The following BET1 variants were observed in gnomAD, a reference collection of about 807,000 sequenced individuals.
BET1 encodes Bet1 golgi vesicular membrane trafficking protein.
BET1 carries 9 observed loss-of-function variants against 13.9 expected under a neutral mutation model. That is an observed-to-expected ratio of 0.65 (90% CI 0.39 to 1.13). The LOEUF is 1.13. Ranked by LOEUF, BET1 falls within the 50% of genes most tolerant of loss-of-function variation. The pLI is 0.01. For missense variants in BET1, 127 were observed against 133.6 expected, an observed-to-expected ratio of 0.95 and a Z score of 0.24; for synonymous variants, 39 against 47.3, an observed-to-expected ratio of 0.82 and a Z score of 0.72.
exon 7 of BET1, chr7:93,963,264 C>G (rs1014555520): frequency 1.2e-4 from 19 of 152,018 alleles, no homozygotes; most frequent in Admixed American, 1.1e-3. Context: ...AACTGCATAG[C>G]CCCAAGAACC....
At chr7:93,992,443 T>A, downstream of BET1, 1 of 985,406 alleles carries the variant, frequency 1.0e-6, no homozygotes. Flanking sequence ...TTTTCATTTT[T>A]AAGTCATTTT....
chr7:93,962,885 G>A (rs1795115409), exon 7 of BET1: 1 of 151,684 alleles, frequency 6.6e-6, no homozygotes, highest in African/African-American at 2.4e-5. Flanking sequence ...CAAATAAGAT[G>A]GTAAACATCT....
exon 7 of BET1, chr7:93,963,083 GC>G (rs755992780): frequency 6.6e-6 from 1 of 152,098 alleles, no homozygotes; most frequent in Non-Finnish European, 1.5e-5. Flanking sequence ...TGTCACAGAT[GC>G]TCATTCCCTA....
chr7:93,999,540 T>C (rs1350214504), intron 1 of BET1: 5 of 479,228 alleles, frequency 1.0e-5, no homozygotes, highest in South Asian at 4.0e-5. Flanking sequence ...GGATTGCTTA[T>C]TGATTGTCCA....
exon 5 of BET1, chr7:93,976,008 T>G: frequency 3.1e-6 from 4 of 1,280,752 alleles, no homozygotes; most frequent in Non-Finnish European, 4.1e-6. Context: ...CTCCTTCTTT[T>G]TAAGCTTCTG....
At chr7:94,000,338 C>T (rs1041050462) in intron 1 of BET1, 1 of 151,580 alleles carries the variant, frequency 6.6e-6, no homozygotes, top group Admixed American at 6.6e-5. Flanking sequence ...TGGTCTCGAT[C>T]TCCTGACCTC....
chr7:93,992,476 T>G (rs1358494204), downstream of BET1: 1 of 985,196 alleles, frequency 1.0e-6, no homozygotes, highest in African/African-American at 1.7e-5. Context: ...GCTCTTCCCG[T>G]TTTTCACAAC....
intron 4 of BET1, among the ~76,000 whole-genome samples, chr7:93,981,815 A>G (rs533348321): frequency 6.6e-6 from 1 of 152,320 alleles, no homozygotes; most frequent in Non-Finnish European, 1.5e-5. Context: ...CAGACATTGC[A>G]GTCAGTAGTG....
At position 93,993,439 on chromosome 7, in the gene BET1, T is replaced by C. The variant is rs1795683828; in HGVS notation, c.*791A>G. 1 of 983,204 alleles carries C rather than the reference T, an allele frequency of 1.0e-6. No individual in the cohort carries two copies. The highest frequency in any genetic ancestry group is 1.2e-6 in the Non-Finnish European group (1 of 827,374). 60.9% of individuals were successfully genotyped at this position (983,204 alleles called of 1,614,324 possible). ...TCTTCAAGTTCAATGCCTGAGTTTC[T>C]TGCATACTATTTCCATTTAAAGTTC... On this transcript the variant is annotated 3_prime_UTR_variant, in exon 4 of 4. Coordinates refer to ENST00000222547, the MANE Select transcript of BET1 (RefSeq NM_005868.6).
At chr7:93,976,344 T>TGTG (rs1554345710) in intron 4 of BET1, among the ~76,000 whole-genome samples, 1 of 149,014 alleles carries the variant, frequency 6.7e-6, no homozygotes, top group East Asian at 2.0e-4. Context: ...TATCTACTTA[T>TGTG]TGTGTGTGTG....
chr7:93,999,728 G>A (rs756422037), intron 1 of BET1: 5 of 456,380 alleles, frequency 1.1e-5, no homozygotes, highest in South Asian at 7.8e-5. Context: ...GCTCATAGCG[G>A]CGAGGGTTCT....
chr7:93,979,432 A>G (rs943458255), intron 4 of BET1, among the ~76,000 whole-genome samples: 5 of 152,146 alleles, frequency 3.3e-5, no homozygotes, highest in Non-Finnish European at 7.4e-5. Flanking sequence ...AAATTAGTGA[A>G]CTTTAACATT....
intron 4 of BET1, among the ~76,000 whole-genome samples, chr7:93,981,753 G>A (rs914247407): frequency 2.6e-5 from 4 of 152,134 alleles, no homozygotes; most frequent in Admixed American, 6.5e-5. Context: ...TAGCATTCCC[G>A]GGCAGCCACT....
At chr7:93,971,069 C>T (rs1795252345) in intron 6 of BET1, among the ~76,000 whole-genome samples, 1 of 151,662 alleles carries the variant, frequency 6.6e-6, no homozygotes, top group Admixed American at 6.6e-5. Context: ...AAGCAAATTG[C>T]CTGACAGAAA....
intron 3 of BET1, among the ~76,000 whole-genome samples, chr7:93,995,125 C>T (rs975420509): frequency 2.6e-5 from 4 of 152,188 alleles, no homozygotes; most frequent in Non-Finnish European, 5.9e-5. Context: ...GGAGTATAGG[C>T]GTGAGCTACC....
At chr7:93,991,012 A>G (rs1230826568), downstream of BET1, among the ~76,000 whole-genome samples, 2 of 152,202 alleles carry the variant, frequency 1.3e-5, no homozygotes, top group Non-Finnish European at 2.9e-5. Flanking sequence ...TTACTTGGCT[A>G]AGATACAGAT....
chr7:93,993,226 AAG>A, downstream of BET1: 1 of 978,688 alleles, frequency 1.0e-6, no homozygotes, highest in Non-Finnish European at 1.2e-6. Context: ...GAGAATGTAA[AAG>A]AGACTTAAAG....
Position 93,994,067 on chromosome 7 carries a change from A to G in BET1, c.*163T>C, listed in dbSNP as rs1338054088. 3 of 1,444,710 alleles carry G rather than the reference A, an allele frequency of 2.1e-6. No individual in the cohort carries two copies. The highest frequency in any genetic ancestry group is 2.5e-5 in the East Asian group (1 of 40,126). The allele number at this position is 1,444,710 out of a possible 1,614,324, so 89.5% of individuals were successfully genotyped here. ...CATTAAGAAACAGTATTCAAAGACCACTGTATTAACTAATGTGATTTATAA... is the reference window on the plus strand; with the variant it reads ...CATTAAGAAACAGTATTCAAAGACCGCTGTATTAACTAATGTGATTTATAA... On this transcript the variant is annotated 3_prime_UTR_variant, in exon 4 of 4. Coordinates refer to ENST00000222547, the MANE Select transcript of BET1 (RefSeq NM_005868.6).
At chr7:93,973,812 C>A (rs988503810) in intron 5 of BET1, among the ~76,000 whole-genome samples, 1 of 152,024 alleles carries the variant, frequency 6.6e-6, no homozygotes, top group Non-Finnish European at 1.5e-5. Context: ...CTGGGAAGAA[C>A]CCCAACTAGA....
Sources: allele counts gnomAD v4.1 joint callset (sites outside exome capture counted in the v4.1 genomes callset), GRCh38; gene constraint gnomAD v4.1.1; transcripts MANE v1.5; gene names NCBI Gene and HGNC (gene_info 2026-07-23, HGNC 2026-07-21).